The following OXT variants were observed in gnomAD, a reference collection of about 807,000 sequenced individuals.
The protein encoded by OXT is oxytocin-neurophysin 1 proprotein.
In OXT, 9 loss-of-function variants were observed where a neutral mutation model predicts 11.2. The ratio of observed to expected loss-of-function variants is 0.80; its 90% CI spans 0.49 to 1.40. The LOEUF is 1.40. OXT is among the 40% of genes most tolerant of loss of function. The probability of loss-of-function intolerance (pLI) is 0.00; values close to 1 mark genes in which losing one functional copy is unlikely to be tolerated. For missense variants in OXT, 175 were observed against 178.7 expected (o/e 0.98, Z 0.12); for synonymous variants, 76 against 80.9 (o/e 0.94, Z 0.33).
At position 3,072,240 on chromosome 20, in the gene OXT, GGGGCCGCTGCGCGGTCTT is replaced by G; in HGVS notation, c.290_307del (p.Arg97_Gly102del). 1 of 1,594,904 alleles carries G rather than the reference GGGGCCGCTGCGCGGTCTT, an allele frequency of 6.3e-7. No individual in the cohort carries two copies. On this transcript the variant is annotated inframe_deletion, in exon 2 of 3. Coordinates refer to ENST00000217386, the MANE Select transcript of OXT (RefSeq NM_000915.4). ...TCCGGCCAGAAGGCGTGCGGGAGCG[GGGGCCGCTGCGCGGTCTT>G]GGGCCTCTGCTGCAGCCCGGGTGAG...
At chr20:3,072,038 C>A in intron 1 of OXT, 39 bp from the exon 2 acceptor site, 4 of 1,481,048 alleles carry the variant, frequency 2.7e-6, no homozygotes, top group Non-Finnish European at 3.6e-6. Context: ...GAGTCCCCAG[C>A]GCCGCCCCGG....
chr20:3,071,798 G>A lies in OXT; in HGVS notation c.120+23G>A, dbSNP rs1487438090. The A allele has an allele frequency of 1.9e-6, 3 of 1,548,344 alleles. No individual in the cohort carries two copies. The highest frequency in any genetic ancestry group is 1.9e-5 in the Admixed American group (1 of 52,092). On this transcript the variant is annotated intron_variant, in intron 1 of 2. Transcript: ENST00000217386. This position sits in a 1 kb window ranked among gnomAD's most constrained non-coding sequence, Gnocchi z 4.8. The stretch of plus-strand genomic sequence containing the variant: ...AAGGTGAGTCCCCAGCCCTGGTCCC[G>A]CGGCGCTCCGGGGAGGGAGGGACCC...
In OXT at chr20:3,072,381, C is replaced by T; in HGVS notation, c.341C>T (p.Pro114Leu). The T allele has an allele frequency of 6.2e-7, 1 of 1,611,876 alleles. No homozygotes were observed. Among genetic ancestry groups the T allele is most frequent in the South Asian group, 1.1e-5 (1 of 91,088 alleles). Residue 114 changes from proline to leucine, a missense_variant, in exon 3 of 3, where the codon CCT becomes CTT. By Grantham distance (98) the Pro-to-Leu change is moderately conservative. Coordinates refer to ENST00000217386, the MANE Select transcript of OXT (RefSeq NM_000915.4). ...CCTCCAGACGGCTGCCACGCCGACC[C>T]TGCCTGCGACGCGGAAGCCACCTTC... ...CCSPDGCHAD[P>L]ACDAEATFSQ...
In OXT at chr20:3,072,245, C is replaced by G. The variant is rs1218863587; in HGVS notation, c.289C>G (p.Arg97Gly). ...CCAGAAGGCGTGCGGGAGCGGGGGC[C>G]GCTGCGCGGTCTTGGGCCTCTGCTG... ...SGQKACGSGG[R>G]CAVLGLCCSP... Residue 97 changes from arginine to glycine, a missense_variant, in exon 2 of 3, where the codon CGC (arginine) becomes GGC (glycine). By Grantham distance (125) the Arg-to-Gly change is moderately radical (BLOSUM62 -2). Transcript: ENST00000217386. 3 of 1,594,680 alleles carry G rather than the reference C, an allele frequency of 1.9e-6. No individual in the cohort carries two copies. Among genetic ancestry groups the G allele is most frequent in the Non-Finnish European group, 2.5e-6 (3 of 1,176,982 alleles).
chr20:3,071,917 C>T lies in OXT; in HGVS notation c.120+142C>T. 2 of 1,348,314 alleles carry T rather than the reference C, an allele frequency of 1.5e-6. No homozygotes were observed. The highest frequency in any genetic ancestry group is 2.8e-5 in the East Asian group (1 of 36,290). 83.5% of individuals were successfully genotyped at this position (1,348,314 alleles called of 1,614,324 possible). On this transcript the variant is annotated intron_variant, in intron 1 of 2. Transcript: ENST00000217386. The surrounding 1 kb of genome is among the most constrained non-coding windows in gnomAD (Gnocchi z 4.8). Reference sequence around the variant, plus strand: ...CCCGCCCTTGACCGCGGTCGAGGCCCCCACGGCGCCCCAGCGCGTCTCAGC... The same window carrying T: ...CCCGCCCTTGACCGCGGTCGAGGCCTCCACGGCGCCCCAGCGCGTCTCAGC...
Position 3,072,206 on chromosome 20 carries a change from C to T in OXT, c.250C>T (p.Pro84Ser). 6.3e-7 allele frequency: 1 copy of T among 1,596,918 alleles called. No individual in the cohort carries two copies. Reference protein sequence around the residue: ...RCQEENYLPSPCQSGQKACGS... With the variant: ...RCQEENYLPSSCQSGQKACGS... The stretch of plus-strand genomic sequence containing the variant: ...CCAGGAGGAGAACTACCTGCCGTCG[C>T]CCTGCCAGTCCGGCCAGAAGGCGTG... The change falls in exon 2 of 3, where the codon CCC (proline) becomes TCC (serine). Residue 84 changes from proline to serine, a missense_variant. Transcript: ENST00000217386.
chr20:3,071,860 G>A lies in OXT; in HGVS notation c.120+85G>A. The A allele has an allele frequency of 6.8e-7, 1 of 1,475,464 alleles. No homozygotes were observed. The allele number at this position is 1,475,464 out of a possible 1,614,324, so 91.4% of individuals were successfully genotyped here. A position where few individuals can be genotyped will look rare whatever the true frequency, so the allele number is the denominator to read the frequency against. On this transcript the variant is annotated intron_variant, in intron 1 of 2. Transcript: ENST00000217386. This position sits in a 1 kb window ranked among gnomAD's most constrained non-coding sequence, Gnocchi z 4.8. ...GGCGCGCCCCGCTCCGGCCTCGCCT[G>A]AGAACTCCAGGAGCTGAGCGGATTT... is the stretch of plus-strand genomic sequence containing the variant.
rs1184602914 is a variant in OXT at position 3,071,803 on chromosome 20, G to T, written c.120+28G>T. On this transcript the variant is annotated intron_variant, in intron 1 of 2. Coordinates refer to ENST00000217386, the MANE Select transcript of OXT (RefSeq NM_000915.4). The surrounding 1 kb of genome is among the most constrained non-coding windows in gnomAD (Gnocchi z 4.8). ...GAGTCCCCAGCCCTGGTCCCGCGGC[G>T]CTCCGGGGAGGGAGGGACCCGCAGC... The T allele has an allele frequency of 6.5e-7, 1 of 1,544,548 alleles. No individual in the cohort carries two copies. The highest frequency in any genetic ancestry group is 2.4e-5 in the East Asian group (1 of 41,434).
In OXT at chr20:3,071,807, C is replaced by G. The variant is rs764278771; in HGVS notation, c.120+32C>G. 6 of 1,542,466 alleles carry G rather than the reference C, an allele frequency of 3.9e-6. No individual in the cohort carries two copies. The highest frequency in any genetic ancestry group is 5.2e-6 in the Non-Finnish European group (6 of 1,150,396). On this transcript the variant is annotated intron_variant, in intron 1 of 2. Coordinates refer to ENST00000217386, the MANE Select transcript of OXT (RefSeq NM_000915.4). This position sits in a 1 kb window ranked among gnomAD's most constrained non-coding sequence, Gnocchi z 4.8. The stretch of plus-strand genomic sequence containing the variant: ...CCCCAGCCCTGGTCCCGCGGCGCTC[C>G]GGGGAGGGAGGGACCCGCAGCCACA...
chr20:3,072,090 GC>G lies in OXT; in HGVS notation c.138del (p.Gly48AlafsTer81). The G allele has an allele frequency of 2.6e-6, 4 of 1,537,344 alleles. No individual in the cohort carries two copies. The highest frequency in any genetic ancestry group is 2.6e-6 in the Non-Finnish European group (3 of 1,151,000). Reference sequence around the variant, plus strand: ...CCGTCCCCGCAGTGCCTCCCCTGCGGCCCCGGGGGCAAAGGCCGCTGCTTCG... The same window carrying G: ...CCGTCCCCGCAGTGCCTCCCCTGCGGCCCGGGGGCAAAGGCCGCTGCTTCG... ...DLDVRKCLPC[G>X]PGGKGRCFGP... On this transcript the variant is annotated frameshift_variant, in exon 2 of 3. Transcript: ENST00000217386. LOFTEE classifies it high-confidence loss of function.
chr20:3,071,751 C>T lies in OXT; in HGVS notation c.96C>T (p.Ala32=). 1 of 1,581,396 alleles carries T rather than the reference C, an allele frequency of 6.3e-7. No homozygotes were observed. Residue 32 remains alanine, a synonymous_variant, in exon 1 of 3, where the codon GCC becomes GCT. Transcript: ENST00000217386. This position sits in a 1 kb window ranked among gnomAD's most constrained non-coding sequence, Gnocchi z 4.8. ...ACTGCCCCCTGGGAGGCAAGAGGGC[C>T]GCGCCGGACCTCGACGTGCGCAAGG... The part of the protein sequence containing the change: ...IQNCPLGGKR[A]APDLDVRKCL...
At position 3,072,315 on chromosome 20, in the gene OXT, C is replaced by A. The variant is rs773224171; in HGVS notation, c.322+37C>A. 2.2e-6 allele frequency: 3 copies of A among 1,341,278 alleles called. No individual in the cohort carries two copies. In the East Asian group the frequency reaches 6.9e-5, roughly 31 times the overall value. 83.1% of individuals were successfully genotyped at this position (1,341,278 alleles called of 1,614,324 possible). A position where few individuals can be genotyped will look rare whatever the true frequency, so the allele number is the denominator to read the frequency against. ...AAGGCGCTCCGGGGCCAGGGGGAGG[C>A]GGGCGGGGGTGCGGCCGGGATTCCC... On this transcript the variant is annotated intron_variant, in intron 2 of 2. Transcript: ENST00000217386.
chr20:3,072,239 G>C lies in OXT; in HGVS notation c.283G>C (p.Gly95Arg), dbSNP rs745785053. ...GTCCGGCCAGAAGGCGTGCGGGAGC[G>C]GGGGCCGCTGCGCGGTCTTGGGCCT... ...CQSGQKACGS[G>R]GRCAVLGLCC... Residue 95 changes from glycine to arginine, a missense_variant, in exon 2 of 3, where the codon GGG becomes CGG. Physicochemically the swap from Gly to Arg is moderately radical, Grantham distance 125. Coordinates refer to ENST00000217386, the MANE Select transcript of OXT (RefSeq NM_000915.4). The C allele has an allele frequency of 8.2e-6, 13 of 1,594,516 alleles. No homozygotes were observed. The highest frequency in any genetic ancestry group is 4.4e-5 in the South Asian group (4 of 90,358).
In OXT at chr20:3,072,498, A is replaced by C; in HGVS notation, c.*80A>C. 1 of 1,498,690 alleles carries C rather than the reference A, an allele frequency of 6.7e-7. No homozygotes were observed. The highest frequency in any genetic ancestry group is 1.1e-5 in the South Asian group (1 of 88,342). 92.8% of individuals were successfully genotyped at this position (1,498,690 alleles called of 1,614,324 possible). On this transcript the variant is annotated 3_prime_UTR_variant, in exon 3 of 3. Coordinates refer to ENST00000217386, the MANE Select transcript of OXT (RefSeq NM_000915.4). ...CCCCAGAAATGGTGAAAATAAAATA[A>C]AGCAGGTTTTTCTCCTCTACCTTGA...
chr20:3,072,320 G>A (rs1274020951), intron 2 of OXT, 42 bp downstream of exon 2: 1 of 1,601,806 alleles, frequency 6.2e-7, no homozygotes, highest in African/African-American at 1.3e-5. Flanking sequence ...GGAGGCGGGC[G>A]GGGGTGCGGC....
rs2066075527 is a variant in OXT at position 3,071,687 on chromosome 20, T to C, written c.32T>C (p.Leu11Pro). 3.1e-6 allele frequency: 5 copies of C among 1,597,410 alleles called. No homozygotes were observed. Among genetic ancestry groups the C allele is most frequent in the Non-Finnish European group, 4.3e-6 (5 of 1,175,820 alleles). The stretch of plus-strand genomic sequence containing the variant: ...GGCCCCAGCCTCGCTTGCTGTCTGC[T>C]CGGCCTCCTGGCGCTGACCTCCGCC... MAGPSLACCLLGLLALTSACY... is the reference protein window; with the variant it reads MAGPSLACCLPGLLALTSACY... Residue 11 changes from leucine to proline, a missense_variant, in exon 1 of 3, where the codon CTC becomes CCC. By Grantham distance (98) the Leu-to-Pro change is moderately conservative. Coordinates refer to ENST00000217386, the MANE Select transcript of OXT (RefSeq NM_000915.4). The surrounding 1 kb of genome is among the most constrained non-coding windows in gnomAD (Gnocchi z 4.8).
Position 3,071,690 on chromosome 20 carries a change from G to T in OXT, c.35G>T (p.Gly12Val). 6.3e-7 allele frequency: 1 copy of T among 1,595,522 alleles called. No homozygotes were observed. The highest frequency in any genetic ancestry group is 8.5e-7 in the Non-Finnish European group (1 of 1,174,984). The change falls in exon 1 of 3, where the codon GGC (glycine) becomes GTC (valine). Residue 12 changes from glycine to valine, a missense_variant. Transcript: ENST00000217386. The surrounding 1 kb of genome is among the most constrained non-coding windows in gnomAD (Gnocchi z 4.8). ...CCCAGCCTCGCTTGCTGTCTGCTCGGCCTCCTGGCGCTGACCTCCGCCTGC... is the reference window on the plus strand; with the variant it reads ...CCCAGCCTCGCTTGCTGTCTGCTCGTCCTCCTGGCGCTGACCTCCGCCTGC... ...AGPSLACCLL[G>V]LLALTSACYI...
In OXT at chr20:3,072,123, A is replaced by G. The variant is rs768850071; in HGVS notation, c.167A>G (p.Asn56Ser). 2.9e-5 allele frequency: 45 copies of G among 1,577,348 alleles called. No individual in the cohort carries two copies. Among genetic ancestry groups the G allele is most frequent in the South Asian group, 6.8e-5 (6 of 87,612 alleles). The change falls in exon 2 of 3, where the codon AAT becomes AGT. Residue 56 changes from asparagine (N) to serine (S), a missense_variant. By Grantham distance (46) the Asn-to-Ser change is conservative. Coordinates refer to ENST00000217386, the MANE Select transcript of OXT (RefSeq NM_000915.4). Reference sequence around the variant, plus strand: ...GGCAAAGGCCGCTGCTTCGGGCCCAATATCTGCTGCGCGGAAGAGCTGGGC... The same window carrying G: ...GGCAAAGGCCGCTGCTTCGGGCCCAGTATCTGCTGCGCGGAAGAGCTGGGC... ...PGGKGRCFGPNICCAEELGCF... is the reference protein window; with the variant it reads ...PGGKGRCFGPSICCAEELGCF...
In OXT at chr20:3,072,364, C is replaced by G. The variant is rs753801172; in HGVS notation, c.324C>G (p.Asp108Glu). ...CAVLGLCCSP[D>E]GCHADPACDA... is the part of the protein sequence containing the mutation. ...CCCTGACTCCACCTCTTCCTCCAGACGGCTGCCACGCCGACCCTGCCTGCG... is the reference window on the plus strand; with the variant it reads ...CCCTGACTCCACCTCTTCCTCCAGAGGGCTGCCACGCCGACCCTGCCTGCG... Residue 108 changes from aspartate to glutamate, a missense_variant and splice_region_variant, in exon 3 of 3, where the codon GAC becomes GAG. Asp to Glu is a conservative substitution (Grantham distance 45). Coordinates refer to ENST00000217386, the MANE Select transcript of OXT (RefSeq NM_000915.4). 19 of 1,610,158 alleles carry G rather than the reference C, an allele frequency of 1.2e-5. No individual in the cohort carries two copies. The highest frequency in any genetic ancestry group is 1.6e-5 in the Non-Finnish European group (19 of 1,179,960).
Sources: allele counts gnomAD v4.1 joint callset, GRCh38; gene constraint gnomAD v4.1.1; non-coding constraint Gnocchi (gnomAD v3.1); transcripts MANE v1.5; gene names NCBI Gene and HGNC (gene_info 2026-07-23, HGNC 2026-07-21).